The following MAGI1 variants were observed in gnomAD, a reference collection of about 807,000 sequenced individuals.
MAGI1 encodes the protein membrane associated guanylate kinase, WW and PDZ domain containing 1.
A neutral mutation model predicts 139.9 loss-of-function variants in MAGI1; 58 were observed. The ratio of observed to expected loss-of-function variants is 0.41; its 90% CI spans 0.34 to 0.52. The LOEUF is 0.52. Ranked by LOEUF, MAGI1 falls within the 20% of genes least tolerant of loss-of-function variation. MAGI1 has a pLI of 0.12. For missense variants in MAGI1, 1,874 were observed against 1,901.6 expected (o/e 0.99, Z 0.27); for synonymous variants, 812 against 737.9 (o/e 1.10, Z -1.63).
intron 1 of MAGI1, among the ~76,000 whole-genome samples, chr3:65,881,556 G>A (rs1384111697): frequency 3.3e-5 from 5 of 151,950 alleles, no homozygotes; most frequent in African/African-American, 1.2e-4. Context: ...GTGCCCAGGC[G>A]TTGGAGGCTG....
chr3:65,828,593 A>C (rs1271332370), intron 1 of MAGI1, among the ~76,000 whole-genome samples: 2 of 152,232 alleles, frequency 1.3e-5, no homozygotes, highest in African/African-American at 4.8e-5. Context: ...GCAAATTAAC[A>C]CAGTTTCAAG....
intron 15 of MAGI1, 56 bp from the exon 16 acceptor site, chr3:65,382,125 T>A: frequency 2.9e-6 from 4 of 1,361,764 alleles, no homozygotes; most frequent in Non-Finnish European, 4.1e-6. Flanking sequence ...TACTGTTACA[T>A]CAATAGCCTT....
chr3:66,004,940 A>T (rs965177914), intron 1 of MAGI1, among the ~76,000 whole-genome samples: 8 of 152,136 alleles, frequency 5.3e-5, no homozygotes, highest in African/African-American at 1.9e-4. Flanking sequence ...TCCTCAACAT[A>T]TATTATTGTA....
intron 1 of MAGI1, among the ~76,000 whole-genome samples, chr3:65,657,845 C>T (rs561878912): frequency 4.6e-5 from 7 of 152,118 alleles, no homozygotes; most frequent in Admixed American, 4.6e-4. Flanking sequence ...GAGTCTGCTA[C>T]TGAATAGCCA....
chr3:65,760,782 T>C (rs1577030411), intron 1 of MAGI1, among the ~76,000 whole-genome samples: 1 of 151,996 alleles, frequency 6.6e-6, no homozygotes, highest in African/African-American at 2.4e-5. Flanking sequence ...TGCCTTATGA[T>C]AGAAGAAGAG....
chr3:65,990,021 T>TA (rs1161184987), intron 1 of MAGI1, among the ~76,000 whole-genome samples: 95 of 152,210 alleles, frequency 6.2e-4, no homozygotes, highest in Non-Finnish European at 4.4e-5. Flanking sequence ...ATGAAGAAAT[T>TA]AAGAAAGTAG....
At chr3:65,359,630 T>C in intron 22 of MAGI1, 3 of 992,650 alleles carry the variant, frequency 3.0e-6, no homozygotes, top group Non-Finnish European at 3.6e-6. Flanking sequence ...ACTTAACATA[T>C]TATAACCCAT....
chr3:65,990,983 T>C (rs976846694), intron 1 of MAGI1, among the ~76,000 whole-genome samples: 20 of 151,608 alleles, frequency 1.3e-4, no homozygotes, highest in Non-Finnish European at 8.8e-5. Context: ...TGAGACCCTG[T>C]CTCTAAAAAA....
chr3:65,729,398 A>G (rs1019217340), intron 1 of MAGI1, among the ~76,000 whole-genome samples: 3 of 152,246 alleles, frequency 2.0e-5, no homozygotes, highest in Non-Finnish European at 4.4e-5. Context: ...CTAAAATCAC[A>G]TGAAATCACT....
At chr3:66,031,456 C>T (rs878966771) in intron 1 of MAGI1, among the ~76,000 whole-genome samples, 4 of 152,078 alleles carry the variant, frequency 2.6e-5, no homozygotes, top group African/African-American at 9.7e-5. Context: ...CCAAGAAACA[C>T]GGTGAGCCAA....
At chr3:65,801,420 G>A (rs528468682) in intron 1 of MAGI1, among the ~76,000 whole-genome samples, 12 of 152,234 alleles carry the variant, frequency 7.9e-5, no homozygotes, top group African/African-American at 2.6e-4. Flanking sequence ...AAAAATGTCC[G>A]GTCGCTTAAG....
intron 1 of MAGI1, among the ~76,000 whole-genome samples, chr3:65,940,525 A>G (rs1465330051): frequency 6.6e-6 from 1 of 152,184 alleles, no homozygotes; most frequent in Non-Finnish European, 1.5e-5. Flanking sequence ...CCCATTCATG[A>G]GGGCTCCACC....
intron 6 of MAGI1, 104 bp from the exon 7 acceptor site, chr3:65,448,161 A>C: frequency 1.0e-6 from 1 of 993,710 alleles, no homozygotes; most frequent in Non-Finnish European, 1.6e-6. Flanking sequence ...CAGCAAACAC[A>C]TCACTCTAGT....
At chr3:65,848,897 GT>G (rs1354084348) in intron 1 of MAGI1, among the ~76,000 whole-genome samples, 1 of 151,068 alleles carries the variant, frequency 6.6e-6, no homozygotes, top group Non-Finnish European at 1.5e-5. Flanking sequence ...TTGTGAGTGA[GT>G]GGGGCCATGT....
At chr3:65,879,233 A>G (rs2060233622) in intron 1 of MAGI1, among the ~76,000 whole-genome samples, 1 of 152,060 alleles carries the variant, frequency 6.6e-6, no homozygotes. Context: ...GGAAGCGGAG[A>G]GCAAAGAGAA....
chr3:65,424,528 GA>G (rs1337711464), intron 12 of MAGI1, among the ~76,000 whole-genome samples: 1 of 152,172 alleles, frequency 6.6e-6, no homozygotes, highest in Non-Finnish European at 1.5e-5. Flanking sequence ...GTGCAAACTA[GA>G]AAGGACAATT....
At chr3:65,591,216 C>G (rs1295209483) in intron 2 of MAGI1, among the ~76,000 whole-genome samples, 1 of 152,130 alleles carries the variant, frequency 6.6e-6, no homozygotes, top group Non-Finnish European at 1.5e-5. Flanking sequence ...AATGAAACTC[C>G]TGATCTTAAA....
At chr3:65,901,233 A>G (rs2061219023) in intron 1 of MAGI1, among the ~76,000 whole-genome samples, 1 of 152,222 alleles carries the variant, frequency 6.6e-6, no homozygotes, top group Admixed American at 6.5e-5. Flanking sequence ...GACGCCACAC[A>G]AAAGGAAGAG....
At chr3:65,930,945 T>A (rs2062779260) in intron 1 of MAGI1, among the ~76,000 whole-genome samples, 2 of 152,174 alleles carry the variant, frequency 1.3e-5, no homozygotes, top group South Asian at 2.1e-4. Flanking sequence ...TTGTTTAGCA[T>A]ATAATCAAGA....
Sources: allele counts gnomAD v4.1 joint callset (sites outside exome capture counted in the v4.1 genomes callset), GRCh38; gene constraint gnomAD v4.1.1; transcripts MANE v1.5; gene names NCBI Gene and HGNC (gene_info 2026-07-23, HGNC 2026-07-21).